The following C12orf42 variants were observed in gnomAD, a reference collection of about 807,000 sequenced individuals.
C12orf42 encodes uncharacterized protein C12orf42.
In C12orf42, 25 loss-of-function variants were observed where a neutral mutation model predicts 21.6. That is an observed-to-expected ratio of 1.16 (90% confidence interval 0.84 to 1.62). The LOEUF (loss-of-function observed/expected upper bound fraction) is 1.62, where lower values mean the gene tolerates loss of function less well. Ranked by LOEUF, C12orf42 falls within the 40% of genes most tolerant of loss-of-function variation. The probability of loss-of-function intolerance (pLI) is 0.00; values close to 1 mark genes in which losing one functional copy is unlikely to be tolerated. For missense variants in C12orf42, 483 were observed against 459.3 expected (o/e 1.05, Z -0.47); for synonymous variants, 174 against 175.0 (o/e 0.99, Z 0.05).
the C12orf42 span, among the ~76,000 whole-genome samples, chr12:103,537,355 G>A: frequency 9.9e-5 from 15 of 151,562 alleles, no homozygotes; most frequent in Middle Eastern, 6.9e-3. Flanking sequence ...CTATTAAACC[G>A]AGGGATCCCT....
the C12orf42 span, among the ~76,000 whole-genome samples, chr12:103,112,101 A>G: frequency 6.6e-6 from 1 of 152,204 alleles, no homozygotes. Context: ...TTCATTAACA[A>G]TAAATAGATG....
At chr12:103,093,533 G>A in the C12orf42 span, among the ~76,000 whole-genome samples, 2 of 152,108 alleles carry the variant, frequency 1.3e-5, no homozygotes, top group East Asian at 3.9e-4. Flanking sequence ...CACTAGATAA[G>A]GAAGTCTTGG....
chr12:103,146,316 T>C, the C12orf42 span, among the ~76,000 whole-genome samples: 1 of 150,700 alleles, frequency 6.6e-6, no homozygotes, highest in South Asian at 2.1e-4. Context: ...CCTGTCTTTA[T>C]TAAAAATACA....
chr12:103,210,944 G>A, the C12orf42 span, among the ~76,000 whole-genome samples: 1,670 of 152,084 alleles, frequency 0.011, 28 homozygotes, highest in African/African-American at 0.039. Context: ...AGCTATGATC[G>A]CACCACATCC....
chr12:103,534,034 T>C, the C12orf42 span, among the ~76,000 whole-genome samples: 3 of 152,246 alleles, frequency 2.0e-5, no homozygotes, highest in Non-Finnish European at 4.4e-5. Flanking sequence ...CTTAGCCCCA[T>C]GCTTAGGCAT....
chr12:103,434,831 A>T (rs10861009), intron 2 of C12orf42, among the ~76,000 whole-genome samples: 2 of 152,074 alleles, frequency 1.3e-5, no homozygotes, highest in Non-Finnish European at 2.9e-5. Context: ...GGGAGGGGCG[A>T]CTGCCGTTGC....
intron 4 of C12orf42, among the ~76,000 whole-genome samples, chr12:103,353,546 G>A (rs1393100336): frequency 2.0e-5 from 3 of 151,860 alleles, no homozygotes; most frequent in Non-Finnish European, 4.4e-5. Flanking sequence ...TTTATGTGAG[G>A]GCCAGTAGCA....
At chr12:103,552,424 C>T in the C12orf42 span, among the ~76,000 whole-genome samples, 5 of 152,262 alleles carry the variant, frequency 3.3e-5, 1 homozygote, top group South Asian at 1.0e-3. Context: ...AAGGAATTTT[C>T]ATCAATACTG....
At chr12:103,090,332 C>T in the C12orf42 span, among the ~76,000 whole-genome samples, 1 of 152,054 alleles carries the variant, frequency 6.6e-6, no homozygotes, top group Non-Finnish European at 1.5e-5. Flanking sequence ...CAGTCACCAC[C>T]GAATTAAATG....
chr12:103,210,857 G>A, the C12orf42 span, among the ~76,000 whole-genome samples: 1 of 151,622 alleles, frequency 6.6e-6, no homozygotes, highest in African/African-American at 2.4e-5. Context: ...TGGGTGTGGT[G>A]GCATGTGCCT....
chr12:103,314,994 G>T (rs2039321363), intron 4 of C12orf42, among the ~76,000 whole-genome samples: 1 of 152,052 alleles, frequency 6.6e-6, no homozygotes, highest in Non-Finnish European at 1.5e-5. Flanking sequence ...GGGTAGTTAG[G>T]GAATCTCAAA....
the C12orf42 span, among the ~76,000 whole-genome samples, chr12:103,185,934 C>T: frequency 6.6e-6 from 1 of 152,036 alleles, no homozygotes; most frequent in South Asian, 2.1e-4. Context: ...ACAACATGTC[C>T]CTTGAGAAAC....
the C12orf42 span, among the ~76,000 whole-genome samples, chr12:103,560,002 A>T: frequency 6.6e-6 from 1 of 152,242 alleles, no homozygotes; most frequent in African/African-American, 2.4e-5. Context: ...AAACATTTCA[A>T]ATCAATTGAA....
chr12:103,368,877 C>G lies in C12orf42; in HGVS notation c.259+10G>C. 6.9e-7 allele frequency: 1 copy of G among 1,446,482 alleles called. No individual in the cohort carries two copies. Among genetic ancestry groups the G allele is most frequent in the South Asian group, 1.2e-5 (1 of 82,358 alleles). 89.6% of individuals were successfully genotyped at this position (1,446,482 alleles called of 1,614,324 possible). ...ACTCTGGTCTGTCTTGGGATTATGT[C>G]TTAATTTACCTGGAAAATTCAGAAA... On this transcript the variant is annotated intron_variant, in intron 4 of 5. Transcript: ENST00000548883.
At chr12:103,360,898 C>T (rs1278155531) in intron 4 of C12orf42, among the ~76,000 whole-genome samples, 1 of 152,084 alleles carries the variant, frequency 6.6e-6, no homozygotes, top group Admixed American at 6.5e-5. Context: ...AAATATATTA[C>T]TCTGAAGTTG....
the C12orf42 span, among the ~76,000 whole-genome samples, chr12:103,147,090 A>G: frequency 6.6e-6 from 1 of 152,156 alleles, no homozygotes; most frequent in South Asian, 2.1e-4. Context: ...AGTATACAAA[A>G]GATACATTCA....
chr12:103,452,175 G>A (rs927415643), intron 2 of C12orf42, among the ~76,000 whole-genome samples: 17 of 151,932 alleles, frequency 1.1e-4, no homozygotes, highest in Admixed American at 7.2e-4. Context: ...GTTTGGCTAT[G>A]GGCTGAAGTG....
chr12:103,179,007 G>C, the C12orf42 span, among the ~76,000 whole-genome samples: 3 of 152,138 alleles, frequency 2.0e-5, no homozygotes, highest in Non-Finnish European at 4.4e-5. Context: ...GAACAACTCT[G>C]CTTCAATCTG....
the C12orf42 span, among the ~76,000 whole-genome samples, chr12:103,058,774 G>C: frequency 6.6e-6 from 1 of 152,136 alleles, no homozygotes; most frequent in African/African-American, 2.4e-5. Context: ...GAAGTTCTTT[G>C]AAACCAAAGA....
Sources: allele counts gnomAD v4.1 joint callset (sites outside exome capture counted in the v4.1 genomes callset), GRCh38; gene constraint gnomAD v4.1.1; transcripts MANE v1.5; gene names NCBI Gene and HGNC (gene_info 2026-07-23, HGNC 2026-07-21).